Variants in TBC1D14 observed in about 807,000 individuals in gnomAD.
TBC1D14 encodes the protein TBC1 domain family member 14.
Under a neutral mutation model 79.0 loss-of-function variants are expected in TBC1D14, and 26 were observed. That is an observed-to-expected ratio of 0.33 (90% CI 0.24 to 0.46). The LOEUF is 0.46. Ranked by LOEUF, TBC1D14 falls within the 20% of genes least tolerant of loss-of-function variation. The pLI is 1.00. For synonymous variants in TBC1D14, 394 were observed against 349.9 expected, an observed-to-expected ratio of 1.13 and a Z score of -1.40; for missense variants, 769 against 887.6, an observed-to-expected ratio of 0.87 and a Z score of 1.70.
At chr4:6,914,493 T>C (rs1373054094) in intron 1 of TBC1D14, among the ~76,000 whole-genome samples, 1 of 152,240 alleles carries the variant, frequency 6.6e-6, no homozygotes, top group African/African-American at 2.4e-5. Context: ...GCTGTGTGTG[T>C]AGCAGTGGAA....
rs1723161874 is a variant in TBC1D14, at chr4:7,032,593, G to C, written c.*2201G>C. 1 of 152,226 alleles carries C rather than the reference G, an allele frequency of 6.6e-6. No homozygotes were observed. The highest frequency in any genetic ancestry group is 6.5e-5 in the Admixed American group (1 of 15,282). The allele number at this position is 152,226 out of a possible 1,614,324, so 9.4% of individuals were successfully genotyped here. A position where few individuals can be genotyped will look rare whatever the true frequency, so the allele number is the denominator to read the frequency against. On this transcript the variant is annotated 3_prime_UTR_variant, in exon 14 of 14. Transcript: ENST00000409757. ...AGTGGCTTGTATGACCTGTTCAGGG[G>C]TCACATGAGGTCTCGCCAGTTTCCT... is the stretch of plus-strand genomic sequence containing the variant.
chr4:6,919,835 G>A (rs536303388), intron 1 of TBC1D14, among the ~76,000 whole-genome samples: 6 of 152,214 alleles, frequency 3.9e-5, no homozygotes, highest in Admixed American at 2.6e-4. Context: ...TGGTCAGGCT[G>A]GTCTCAAACT....
chr4:7,009,810 T>C, intron 9 of TBC1D14, 67 bp from the exon 10 acceptor site: 1 of 1,493,630 alleles, frequency 6.7e-7, no homozygotes, highest in East Asian at 2.3e-5. Flanking sequence ...AGTAGTAGTA[T>C]CAGATGTTCG....
intron 7 of TBC1D14, among the ~76,000 whole-genome samples, chr4:7,002,475 G>A (rs762996982): frequency 6.6e-6 from 1 of 152,144 alleles, no homozygotes; most frequent in Non-Finnish European, 1.5e-5. Flanking sequence ...GGACCGTATT[G>A]TTTTGGATTG....
At position 7,030,350 on chromosome 4, in the gene TBC1D14, C is replaced by T; in HGVS notation, c.2040C>T (p.Asp680=). The stretch of plus-strand genomic sequence containing the variant: ...AGGTACTGACTGCATTGCAGAAAGA[C>T]AGCCGGGAAATGGAGAAGGGAAGTC... ...WAQVLTALQK[D]SREMEKGSPS... Residue 680 remains aspartate, a synonymous_variant, in exon 14 of 14, where the codon GAC becomes GAT. Transcript: ENST00000409757. 5.0e-6 allele frequency: 8 copies of T among 1,614,070 alleles called. No individual in the cohort carries two copies. The highest frequency in any genetic ancestry group is 6.8e-6 in the Non-Finnish European group (8 of 1,179,926).
intron 3 of TBC1D14, among the ~76,000 whole-genome samples, chr4:6,991,154 A>G (rs1181891345): frequency 1.3e-5 from 2 of 152,174 alleles, no homozygotes; most frequent in African/African-American, 2.4e-5. Flanking sequence ...TTACTTTATT[A>G]TTTTAATCAT....
intron 2 of TBC1D14, among the ~76,000 whole-genome samples, chr4:6,948,628 T>G (rs988040155): frequency 6.6e-6 from 1 of 151,976 alleles, no homozygotes; most frequent in South Asian, 2.1e-4. Flanking sequence ...TGATGCCGGC[T>G]GCTCTTGATC....
chr4:7,030,225 C>A, intron 13 of TBC1D14, 102 bp from the exon 14 acceptor site: 1 of 1,092,568 alleles, frequency 9.2e-7, no homozygotes, highest in Non-Finnish European at 1.4e-6. Flanking sequence ...AAGTGGGGAG[C>A]CGGGGGACCC....
At chr4:6,947,133 G>A (rs555405027) in intron 2 of TBC1D14, among the ~76,000 whole-genome samples, 1 of 152,206 alleles carries the variant, frequency 6.6e-6, no homozygotes, top group South Asian at 2.1e-4. Context: ...GGCCGAGGCG[G>A]GCGGATCACT....
intron 3 of TBC1D14, among the ~76,000 whole-genome samples, chr4:6,992,285 T>G (rs955101202): frequency 1.3e-5 from 2 of 152,210 alleles, no homozygotes; most frequent in African/African-American, 2.4e-5. Flanking sequence ...ACCTAAGCCG[T>G]GTAGGACTCG....
chr4:6,979,610 C>A (rs1299971152), intron 3 of TBC1D14, among the ~76,000 whole-genome samples: 1 of 151,968 alleles, frequency 6.6e-6, no homozygotes, highest in Non-Finnish European at 1.5e-5. Flanking sequence ...CAGAGTGAGA[C>A]CCTATCTCAA....
At chr4:6,921,295 C>T (rs1399806464) in intron 1 of TBC1D14, among the ~76,000 whole-genome samples, 2 of 151,950 alleles carry the variant, frequency 1.3e-5, no homozygotes, top group African/African-American at 4.8e-5. Context: ...GTCTTGACCT[C>T]CTGGGCGGGC....
intron 3 of TBC1D14, chr4:6,987,642 G>A: frequency 8.2e-6 from 3 of 366,080 alleles, no homozygotes; most frequent in Non-Finnish European, 9.7e-6. Flanking sequence ...GCGTGAGCGA[G>A]CACGTCCTTT....
intron 2 of TBC1D14, among the ~76,000 whole-genome samples, chr4:6,963,568 G>T (rs1023453301): frequency 3.3e-5 from 5 of 152,286 alleles, no homozygotes; most frequent in African/African-American, 1.2e-4. Flanking sequence ...GGCCTCCCGG[G>T]CCCGGCCACA....
intron 3 of TBC1D14, among the ~76,000 whole-genome samples, chr4:6,968,123 C>T (rs1456273861): frequency 6.6e-6 from 1 of 152,156 alleles, no homozygotes; most frequent in African/African-American, 2.4e-5. Flanking sequence ...CCAAGTGTCG[C>T]GACATTGCCC....
intron 10 of TBC1D14, 124 bp from the exon 11 acceptor site, chr4:7,010,529 G>C (rs1720646635): frequency 1.7e-6 from 2 of 1,193,618 alleles, no homozygotes; most frequent in African/African-American, 1.6e-5. Context: ...GTGGCCGGAG[G>C]AGTGGGGCGG....
chr4:6,933,322 A>G (rs564761246), intron 2 of TBC1D14, among the ~76,000 whole-genome samples: 1 of 109,504 alleles, frequency 9.1e-6, no homozygotes, highest in Admixed American at 1.1e-4. Context: ...TCCCTTTTCT[A>G]GAGGCAGAGT....
At chr4:6,969,252 A>T (rs1297483866) in intron 3 of TBC1D14, among the ~76,000 whole-genome samples, 1 of 152,218 alleles carries the variant, frequency 6.6e-6, no homozygotes, top group Non-Finnish European at 1.5e-5. Context: ...CTTAGCTATA[A>T]ATTTCTTAGG....
At chr4:6,959,137 G>A (rs1471206701) in intron 2 of TBC1D14, among the ~76,000 whole-genome samples, 5 of 151,930 alleles carry the variant, frequency 3.3e-5, no homozygotes, top group Non-Finnish European at 5.9e-5. Flanking sequence ...CGCCCGCCTC[G>A]GCCTCCCAAA....
Sources: allele counts gnomAD v4.1 joint callset (sites outside exome capture counted in the v4.1 genomes callset), GRCh38; gene constraint gnomAD v4.1.1; transcripts MANE v1.5; gene names NCBI Gene and HGNC (gene_info 2026-07-23, HGNC 2026-07-21).